TRAPPC11: variants seen among roughly 807,000 people sequenced by gnomAD.
TRAPPC11 encodes the protein foie gras homolog.
Under a neutral mutation model 151.2 loss-of-function variants are expected in TRAPPC11, and 104 were observed. That is an observed-to-expected ratio of 0.69 (90% CI 0.59 to 0.81). The LOEUF is 0.81. Ranked by LOEUF, TRAPPC11 falls within the 30% of genes least tolerant of loss-of-function variation. TRAPPC11 has a pLI of 0.00. For missense variants in TRAPPC11, 1,230 were observed against 1,349.6 expected (o/e 0.91, Z 1.39); for synonymous variants, 456 against 472.3 (o/e 0.97, Z 0.45).
intron 25 of TRAPPC11, among the ~76,000 whole-genome samples, chr4:183,698,458 C>G (rs926995999): frequency 1.8e-4 from 27 of 148,178 alleles, no homozygotes; most frequent in Non-Finnish European, 2.9e-5. Flanking sequence ...TCCTTATTGT[C>G]CTTATTGTGC....
intron 5 of TRAPPC11, among the ~76,000 whole-genome samples, chr4:183,672,943 T>C (rs1384752701): frequency 1.3e-5 from 2 of 151,880 alleles, no homozygotes; most frequent in Non-Finnish European, 2.9e-5. Flanking sequence ...CAGTGCCTTG[T>C]TGCTACCCGT....
At position 183,668,067 on chromosome 4, in the gene TRAPPC11, GTCTT is replaced by G. The variant is rs759415592; in HGVS notation, c.512_515del (p.Ser171CysfsTer15). 6.8e-6 allele frequency: 11 copies of G among 1,613,928 alleles called. No individual in the cohort carries two copies. In the Admixed American group the frequency reaches 8.3e-5, roughly 12 times the overall value. On this transcript the variant is annotated frameshift_variant, in exon 5 of 30. Transcript: ENST00000334690. LOFTEE classifies it high-confidence loss of function. ...GCAATGCATGTGAACTCTCAGGAAA[GTCTT>G]TGTTTGTACTGCCGCACACTGACCA...
intron 4 of TRAPPC11, 60 bp downstream of exon 4, chr4:183,667,190 G>GAT: frequency 7.2e-7 from 1 of 1,385,400 alleles, no homozygotes; most frequent in Non-Finnish European, 1.0e-6. Context: ...ATTAAAGGGA[G>GAT]ATAGGGGTTT....
intron 23 of TRAPPC11, 99 bp downstream of exon 23, chr4:183,694,822 T>A: frequency 2.5e-6 from 3 of 1,177,692 alleles, no homozygotes; most frequent in Non-Finnish European, 3.6e-6. Context: ...ATAAGCAGTT[T>A]AGGTGCTTAT....
At chr4:183,669,457 G>A (rs1282797684) in intron 5 of TRAPPC11, among the ~76,000 whole-genome samples, 3 of 152,124 alleles carry the variant, frequency 2.0e-5, no homozygotes, top group African/African-American at 7.2e-5. Context: ...GCTGTTCCTT[G>A]TCAGATGCTT....
In TRAPPC11 at chr4:183,660,940, T is replaced by C. The variant is rs146441052; in HGVS notation, c.-22+1493T>C. ...TATTGGCCAGGCTGGTTTTGAACCG[T>C]TGACCTCGTGAATCGCCCGCCTTGG... On this transcript the variant is annotated intron_variant, in intron 1 of 29. Transcript: ENST00000334690. 2.5e-3 allele frequency among the ~76,000 whole-genome samples: 378 copies of C among 148,564 alleles called. 6 individuals carry two copies. Among genetic ancestry groups the C allele is most frequent in the East Asian group, 0.015 (77 of 5,144 alleles).
intron 19 of TRAPPC11, 41 bp downstream of exon 19, chr4:183,691,512 A>G: frequency 3.3e-6 from 4 of 1,226,344 alleles, no homozygotes; most frequent in Non-Finnish European, 4.3e-6. Flanking sequence ...TTAATAATAA[A>G]AGTATGTTTA....
chr4:183,693,618 T>C lies in TRAPPC11; in HGVS notation c.2267T>C (p.Val756Ala). Residue 756 changes from valine to alanine, a missense_variant, in exon 21 of 30, where the codon GTA becomes GCA. Coordinates refer to ENST00000334690, the MANE Select transcript of TRAPPC11 (RefSeq NM_021942.6). ...ATATCCAGAGTCCCAAACATTTCTG[T>C]ACATCTGCTACATGAACCCCCTGCA... is the stretch of plus-strand genomic sequence containing the variant. ...MIISRVPNIS[V>A]HLLHEPPALT... 6.2e-7 allele frequency: 1 copy of C among 1,613,832 alleles called. No individual in the cohort carries two copies. Among genetic ancestry groups the C allele is most frequent in the Admixed American group, 1.7e-5 (1 of 59,924 alleles).
At chr4:183,683,926 T>C (rs1229856865) in intron 11 of TRAPPC11, 49 bp from the exon 12 acceptor site, 1 of 1,449,270 alleles carries the variant, frequency 6.9e-7, no homozygotes, top group East Asian at 2.3e-5. Context: ...CATATGAAGA[T>C]TTATATTAAA....
At chr4:183,684,080 AT>A (rs745613228) in intron 12 of TRAPPC11, 26 bp downstream of exon 12, 14 of 1,609,220 alleles carry the variant, frequency 8.7e-6, no homozygotes, top group African/African-American at 1.3e-5. Context: ...AATATAAACT[AT>A]TTTTTACACT....
intron 7 of TRAPPC11, among the ~76,000 whole-genome samples, chr4:183,676,374 T>C (rs767141201): frequency 1.3e-5 from 2 of 152,146 alleles, no homozygotes; most frequent in Non-Finnish European, 2.9e-5. Flanking sequence ...GGTCTCGAAC[T>C]CCTGACCTCA....
Position 183,708,551 on chromosome 4 carries a change from A to G in TRAPPC11, c.3334A>G (p.Ile1112Val), listed in dbSNP as rs1263039626. 5.6e-6 allele frequency: 9 copies of G among 1,614,016 alleles called. No individual in the cohort carries two copies. Among genetic ancestry groups the G allele is most frequent in the Non-Finnish European group, 7.6e-6 (9 of 1,179,974 alleles). The change falls in exon 29 of 30, where the codon ATA becomes GTA. Residue 1112 changes from isoleucine (I) to valine (V), a missense_variant. Transcript: ENST00000334690. Reference sequence around the variant, plus strand: ...CACAAATCAGCTGCTCAGGCGTTTTATACCTACCAGTATTTTTGTCAAGGT... The same window carrying G: ...CACAAATCAGCTGCTCAGGCGTTTTGTACCTACCAGTATTTTTGTCAAGGT... Reference protein sequence around the residue: ...NFTNQLLRRFIPTSIFVKPQG... With the variant: ...NFTNQLLRRFVPTSIFVKPQG...
chr4:183,684,630 T>TC, intron 14 of TRAPPC11, 66 bp from the exon 15 acceptor site: 1 of 1,519,230 alleles, frequency 6.6e-7, no homozygotes, highest in Non-Finnish European at 8.9e-7. Flanking sequence ...AGTATTTTTT[T>TC]CTCCATGAAC....
chr4:183,689,923 C>A (rs542565721), intron 18 of TRAPPC11, among the ~76,000 whole-genome samples: 1 of 151,854 alleles, frequency 6.6e-6, no homozygotes, highest in South Asian at 2.1e-4. Flanking sequence ...AAGATACAGG[C>A]GGGGCGCAGT....
At chr4:183,711,719 G>T in intron 29 of TRAPPC11, among the ~76,000 whole-genome samples, 1 of 101,000 alleles carries the variant, frequency 9.9e-6, no homozygotes, top group Admixed American at 1.0e-4. Context: ...ACTGCCTCGG[G>T]AATGCCTCAG....
chr4:183,663,165 C>T (rs1322458380), intron 1 of TRAPPC11, among the ~76,000 whole-genome samples: 1 of 152,072 alleles, frequency 6.6e-6, no homozygotes, highest in African/African-American at 2.4e-5. Context: ...CTCCTGGGTT[C>T]AAGTGATTCT....
Position 183,685,386 on chromosome 4 carries a change from A to G in TRAPPC11, c.1745A>G (p.Gln582Arg), listed in dbSNP as rs533474499. The G allele has an allele frequency of 4.6e-5, 75 of 1,613,846 alleles. No homozygotes were observed. In the South Asian group the frequency reaches 8.0e-4, roughly 17 times the overall value. The change falls in exon 17 of 30, where the codon CAG (glutamine) becomes CGG (arginine). Residue 582 changes from glutamine (Q) to arginine (R), a missense_variant. Gln to Arg is a conservative substitution (Grantham distance 43). Coordinates refer to ENST00000334690, the MANE Select transcript of TRAPPC11 (RefSeq NM_021942.6). Reference protein sequence around the residue: ...AGSNIFTIGVQDFVPFVQCKA... With the variant: ...AGSNIFTIGVRDFVPFVQCKA... Reference sequence around the variant, plus strand: ...AGCAATATTTTCACAATAGGAGTACAGGACTTTGTGCCATTTGGTAGGTAG... The same window carrying G: ...AGCAATATTTTCACAATAGGAGTACGGGACTTTGTGCCATTTGGTAGGTAG...
chr4:183,685,739 C>G (rs1462431732), intron 17 of TRAPPC11, among the ~76,000 whole-genome samples: 1 of 152,068 alleles, frequency 6.6e-6, no homozygotes, highest in East Asian at 1.9e-4. Context: ...ATCTTGTCAT[C>G]TACATTTCAG....
intron 23 of TRAPPC11, among the ~76,000 whole-genome samples, chr4:183,696,675 G>T (rs1366402666): frequency 6.6e-6 from 1 of 152,154 alleles, no homozygotes; most frequent in Non-Finnish European, 1.5e-5. Context: ...GATTACAGGT[G>T]TGAGCCACCA....
Sources: allele counts gnomAD v4.1 joint callset (sites outside exome capture counted in the v4.1 genomes callset), GRCh38; gene constraint gnomAD v4.1.1; transcripts MANE v1.5; gene names NCBI Gene and HGNC (gene_info 2026-07-23, HGNC 2026-07-21).